ZNF385B: variants seen among roughly 807,000 people sequenced by gnomAD.
The protein encoded by ZNF385B is zinc finger protein 385B.
In ZNF385B, 23 loss-of-function variants were observed where a neutral mutation model predicts 39.2. That is an observed-to-expected ratio of 0.59 (90% confidence interval 0.42 to 0.83). ZNF385B has a LOEUF of 0.83. Among genes scored for constraint, ZNF385B ranks in the 40% least tolerant of loss-of-function variants. The pLI, the probability that ZNF385B is intolerant of heterozygous loss-of-function variation, is 0.00. For synonymous variants in ZNF385B, 205 were observed against 222.6 expected, an observed-to-expected ratio of 0.92 and a Z score of 0.70; for missense variants, 552 against 598.9, an observed-to-expected ratio of 0.92 and a Z score of 0.82.
intron 3 of ZNF385B, among the ~76,000 whole-genome samples, chr2:179,696,876 C>G (rs903196034): frequency 4.6e-5 from 7 of 152,070 alleles, no homozygotes; most frequent in African/African-American, 1.7e-4. Context: ...GACCATCTAC[C>G]ATTCTTAATT....
chr2:179,600,476 A>G (rs776439396), intron 3 of ZNF385B, among the ~76,000 whole-genome samples: 7 of 152,220 alleles, frequency 4.6e-5, no homozygotes, highest in Non-Finnish European at 8.8e-5. Context: ...ATAATATTCT[A>G]GTCAAAGGAG....
chr2:179,495,218 A>T (rs2056074455), intron 5 of ZNF385B, among the ~76,000 whole-genome samples: 1 of 152,182 alleles, frequency 6.6e-6, no homozygotes, highest in South Asian at 2.1e-4. Context: ...ACATTGACAG[A>T]AATCTGGCAG....
chr2:179,701,167 ACAC>A (rs1699171177), intron 3 of ZNF385B, among the ~76,000 whole-genome samples: 1 of 152,240 alleles, frequency 6.6e-6, no homozygotes, highest in Non-Finnish European at 1.5e-5. Context: ...TATAAGTCAT[ACAC>A]TTTGAAAGTC....
Position 179,442,319 on chromosome 2 carries a change from T to C in ZNF385B, c.*931A>G, listed in dbSNP as rs998532761. The C allele has an allele frequency of 6.5e-6, 1 of 152,672 alleles. No homozygotes were observed. Among genetic ancestry groups the C allele is most frequent in the Non-Finnish European group, 1.5e-5 (1 of 68,040 alleles). The allele number at this position is 152,672 out of a possible 1,614,324, so 9.5% of individuals were successfully genotyped here. ...AGGTTAAAAATGAAGAAGATACTTA[T>C]ATAGAAATACATGGATTCATTGTCT... On this transcript the variant is annotated 3_prime_UTR_variant, in exon 10 of 10. Transcript: ENST00000410066.
chr2:179,629,320 T>C (rs1451972149), intron 3 of ZNF385B, among the ~76,000 whole-genome samples: 1 of 152,198 alleles, frequency 6.6e-6, no homozygotes, highest in Non-Finnish European at 1.5e-5. Context: ...TTAGAGCAAA[T>C]GTTGCCAATT....
chr2:179,477,729 T>C (rs569863562), intron 6 of ZNF385B, among the ~76,000 whole-genome samples: 16 of 151,806 alleles, frequency 1.1e-4, no homozygotes, highest in African/African-American at 3.4e-4. Flanking sequence ...AGCAGGAACT[T>C]TGAGAATATT....
intron 1 of ZNF385B, among the ~76,000 whole-genome samples, chr2:179,827,201 A>G (rs1559229839): frequency 6.6e-6 from 1 of 152,208 alleles, no homozygotes; most frequent in Non-Finnish European, 1.5e-5. Context: ...AGCAAAGACT[A>G]GTTCGTGTGG....
intron 3 of ZNF385B, among the ~76,000 whole-genome samples, chr2:179,655,815 A>G (rs1009458164): frequency 6.6e-6 from 1 of 152,190 alleles, no homozygotes; most frequent in African/African-American, 2.4e-5. Flanking sequence ...TTCGAGGCAA[A>G]AGTGATGTCA....
intron 5 of ZNF385B, among the ~76,000 whole-genome samples, chr2:179,486,732 T>C (rs2054608786): frequency 6.6e-6 from 1 of 152,030 alleles, no homozygotes; most frequent in South Asian, 2.1e-4. Context: ...CTAGGCAACA[T>C]TACGAGACCT....
intron 5 of ZNF385B, among the ~76,000 whole-genome samples, chr2:179,487,618 C>T (rs1310509227): frequency 6.6e-6 from 1 of 152,190 alleles, no homozygotes; most frequent in African/African-American, 2.4e-5. Flanking sequence ...TCAAGCCCAT[C>T]AACAATGGCT....
intron 3 of ZNF385B, among the ~76,000 whole-genome samples, chr2:179,641,663 A>C (rs1466676963): frequency 6.6e-6 from 1 of 151,250 alleles, no homozygotes; most frequent in African/African-American, 2.4e-5. Flanking sequence ...GAATCTACTT[A>C]TGATACTTTT....
At chr2:179,523,768 G>A (rs1309837355) in intron 4 of ZNF385B, among the ~76,000 whole-genome samples, 1 of 152,076 alleles carries the variant, frequency 6.6e-6, no homozygotes, top group Non-Finnish European at 1.5e-5. Flanking sequence ...AAGACCACTC[G>A]AGAATTGTAC....
intron 3 of ZNF385B, among the ~76,000 whole-genome samples, chr2:179,663,108 A>G (rs987104734): frequency 6.6e-6 from 1 of 152,178 alleles, no homozygotes; most frequent in East Asian, 1.9e-4. Flanking sequence ...AACTTCTGTA[A>G]TATTGACGGT....
At chr2:179,641,609 C>G (rs1226424580) in intron 3 of ZNF385B, among the ~76,000 whole-genome samples, 1 of 152,062 alleles carries the variant, frequency 6.6e-6, no homozygotes. Flanking sequence ...TTATGTTTCA[C>G]ATGCATACAA....
At chr2:179,600,951 G>C (rs2106102900) in intron 3 of ZNF385B, among the ~76,000 whole-genome samples, 1 of 152,262 alleles carries the variant, frequency 6.6e-6, no homozygotes, top group African/African-American at 2.4e-5. Flanking sequence ...GAAGGAAATG[G>C]TGTAGTACAG....
Position 179,690,511 on chromosome 2 carries a change from T to TG in ZNF385B, c.298+78991dup, listed in dbSNP as rs532629140. Among the ~76,000 whole-genome samples the TG allele has an allele frequency of 8.3e-4, 127 of 152,320 alleles. 1 individual carries two copies. Among genetic ancestry groups the TG allele is most frequent in the African/African-American group, 2.8e-3 (116 of 41,576 alleles). ...TTGGTTGGAAAAAGCCATGTATAAGTGGACTATGCAGTTCAAAATCATGCT... is the reference window on the plus strand; with the variant it reads ...TTGGTTGGAAAAAGCCATGTATAAGTGGGACTATGCAGTTCAAAATCATGCT... On this transcript the variant is annotated intron_variant, in intron 3 of 9. Coordinates refer to ENST00000410066, the MANE Select transcript of ZNF385B (RefSeq NM_152520.6).
rs1253762628 is a variant in ZNF385B, at chr2:179,622,842, C to T, written c.299-77873G>A. 3.3e-5 allele frequency among the ~76,000 whole-genome samples: 5 copies of T among 152,214 alleles called. No individual in the cohort carries two copies. In the East Asian group the frequency reaches 9.7e-4, roughly 29 times the overall value. On this transcript the variant is annotated intron_variant, in intron 3 of 9. Coordinates refer to ENST00000410066, the MANE Select transcript of ZNF385B (RefSeq NM_152520.6). ...CTGTAGAGAGGACAGTGGTGGCTGGCAGGGTGCCTAGCAAAGGGAGGGACA... is the reference window on the plus strand; with the variant it reads ...CTGTAGAGAGGACAGTGGTGGCTGGTAGGGTGCCTAGCAAAGGGAGGGACA...
intron 1 of ZNF385B, among the ~76,000 whole-genome samples, chr2:179,817,002 AC>A (rs1707110261): frequency 6.6e-6 from 1 of 152,142 alleles, no homozygotes; most frequent in African/African-American, 2.4e-5. Context: ...AATCTTTTAC[AC>A]ATTGTGTAAA....
intron 1 of ZNF385B, among the ~76,000 whole-genome samples, chr2:179,787,392 A>G (rs780480059): frequency 1.3e-5 from 2 of 152,096 alleles, no homozygotes; most frequent in Non-Finnish European, 2.9e-5. Context: ...AGTAGAAAAT[A>G]TATAGAAGTA....
Sources: allele counts gnomAD v4.1 joint callset (sites outside exome capture counted in the v4.1 genomes callset), GRCh38; gene constraint gnomAD v4.1.1; transcripts MANE v1.5; gene names NCBI Gene and HGNC (gene_info 2026-07-23, HGNC 2026-07-21).